Variants in MERTK observed in about 807,000 individuals in gnomAD.
The protein encoded by MERTK is tyrosine-protein kinase Mer.
A neutral mutation model predicts 99.3 loss-of-function variants in MERTK; 69 were observed. The observed-to-expected ratio is 0.70, with a 90% CI of 0.57 to 0.85. The LOEUF is 0.85. MERTK is among the 40% of genes least tolerant of loss of function. The pLI is 0.00. For missense variants in MERTK, 1,125 were observed against 1,249.4 expected, an observed-to-expected ratio of 0.90 and a Z score of 1.50; for synonymous variants, 426 against 467.6, an observed-to-expected ratio of 0.91 and a Z score of 1.15.
At chr2:111,902,803 TCC>T (rs1684069387) in intron 1 of MERTK, among the ~76,000 whole-genome samples, 2 of 45,310 alleles carry the variant, frequency 4.4e-5, no homozygotes, top group South Asian at 1.8e-3. Flanking sequence ...CCTCCCTCCC[TCC>T]CTCTATTTCT....
rs190090764 is a variant in MERTK, at chr2:111,926,246, A to G, written c.62-2874A>G. Among the ~76,000 whole-genome samples, 22 of 152,340 alleles carry G rather than the reference A, an allele frequency of 1.4e-4. No individual in the cohort carries two copies. In the East Asian group the frequency reaches 4.2e-3, roughly 29 times the overall value. On this transcript the variant is annotated intron_variant, in intron 1 of 18. Coordinates refer to ENST00000295408, the MANE Select transcript of MERTK (RefSeq NM_006343.3). Reference sequence around the variant, plus strand: ...TATTCTTAAATAAATTAAACCAATGAAGGTATAATTTGCTTCTCCCACTTC... The same window carrying G: ...TATTCTTAAATAAATTAAACCAATGGAGGTATAATTTGCTTCTCCCACTTC...
At chr2:111,925,928 G>A (rs1412760969) in intron 1 of MERTK, among the ~76,000 whole-genome samples, 2 of 151,428 alleles carry the variant, frequency 1.3e-5, no homozygotes, top group Admixed American at 6.6e-5. Flanking sequence ...CGCCTCCCGG[G>A]TTCTGCCATT....
chr2:112,015,693 T>G (rs1677203574), intron 15 of MERTK: 1 of 150,910 alleles, frequency 6.6e-6, no homozygotes, highest in Non-Finnish European at 1.5e-5. Flanking sequence ...AATTTATCAG[T>G]TTTTTTTTAA....
At chr2:111,963,215 T>C (rs1208648951) in intron 4 of MERTK, among the ~76,000 whole-genome samples, 4 of 152,246 alleles carry the variant, frequency 2.6e-5, no homozygotes, top group Non-Finnish European at 4.4e-5. Context: ...CCGCATGTCC[T>C]ACCTCCAGCC....
At chr2:111,915,789 G>A (rs1684339997) in intron 1 of MERTK, among the ~76,000 whole-genome samples, 1 of 152,132 alleles carries the variant, frequency 6.6e-6, no homozygotes, top group Non-Finnish European at 1.5e-5. Context: ...CAGCTATTTG[G>A]GGAGCTGAGG....
intron 1 of MERTK, among the ~76,000 whole-genome samples, chr2:111,922,040 C>T (rs1684469045): frequency 6.6e-6 from 1 of 152,222 alleles, no homozygotes; most frequent in Non-Finnish European, 1.5e-5. Flanking sequence ...CTATTCCTCT[C>T]TCTTCCCAGG....
At chr2:111,967,340 C>T (rs1685376630) in intron 5 of MERTK, among the ~76,000 whole-genome samples, 1 of 152,170 alleles carries the variant, frequency 6.6e-6, no homozygotes, top group South Asian at 2.1e-4. Context: ...TTAAAGAAAG[C>T]CCTCAAAGTG....
intron 1 of MERTK, among the ~76,000 whole-genome samples, chr2:111,902,699 A>G (rs191445257): frequency 5.3e-5 from 8 of 152,188 alleles, no homozygotes; most frequent in South Asian, 2.1e-4. Flanking sequence ...CTGCCAAAGT[A>G]TCATATGCAT....
intron 1 of MERTK, among the ~76,000 whole-genome samples, chr2:111,926,085 C>T (rs1388897692): frequency 1.3e-5 from 2 of 152,154 alleles, no homozygotes; most frequent in East Asian, 3.9e-4. Flanking sequence ...CCTGCCTTGG[C>T]CTCCCAAAGT....
At chr2:111,965,716 C>T (rs1438520657) in intron 5 of MERTK, among the ~76,000 whole-genome samples, 1 of 152,086 alleles carries the variant, frequency 6.6e-6, no homozygotes, top group African/African-American at 2.4e-5. Context: ...GGACCCTGTC[C>T]TTCCCAGGTC....
At chr2:111,961,192 T>G (rs1436411321) in intron 4 of MERTK, among the ~76,000 whole-genome samples, 1 of 146,386 alleles carries the variant, frequency 6.8e-6, no homozygotes, top group Non-Finnish European at 1.5e-5. Context: ...GATGGAGTCT[T>G]GCTCTGTCGC....
rs1676772355 is a variant in MERTK, at chr2:111,997,442, G to C, written c.1570G>C (p.Ala524Pro). The change falls in exon 10 of 19, where the codon GCC becomes CCC. Residue 524 changes from alanine to proline, a missense_variant. Coordinates refer to ENST00000295408, the MANE Select transcript of MERTK (RefSeq NM_006343.3). Reference sequence around the variant, plus strand: ...TGGGTTGATTTTATACATCTCCTTGGCCATCAGAAAAAGAGTCCAGGAGAC... The same window carrying C: ...TGGGTTGATTTTATACATCTCCTTGCCCATCAGAAAAAGAGTCCAGGAGAC... Reference protein sequence around the residue: ...LIGLILYISLAIRKRVQETKF... With the variant: ...LIGLILYISLPIRKRVQETKF... 1 of 1,613,846 alleles carries C rather than the reference G, an allele frequency of 6.2e-7. No homozygotes were observed. The highest frequency in any genetic ancestry group is 8.5e-7 in the Non-Finnish European group (1 of 1,179,984).
At chr2:111,954,215 G>T (rs950913033) in intron 4 of MERTK, among the ~76,000 whole-genome samples, 1 of 152,174 alleles carries the variant, frequency 6.6e-6, no homozygotes, top group Non-Finnish European at 1.5e-5. Context: ...ACCTGCAAAG[G>T]CACCTGCTTG....
At chr2:112,018,929 C>T (rs562775354) in intron 15 of MERTK, among the ~76,000 whole-genome samples, 16 of 152,246 alleles carry the variant, frequency 1.1e-4, no homozygotes, top group East Asian at 9.6e-4. Flanking sequence ...CAAAACATTT[C>T]GTAGTAAAAT....
intron 10 of MERTK, 149 bp from the exon 11 acceptor site, chr2:112,001,052 A>T: frequency 1.5e-6 from 1 of 667,382 alleles, no homozygotes; most frequent in Non-Finnish European, 2.7e-6. Context: ...AATAAATCAA[A>T]GGAAAGAAAC....
intron 8 of MERTK, among the ~76,000 whole-genome samples, chr2:111,993,135 A>G (rs1201060605): frequency 5.3e-5 from 5 of 93,796 alleles, no homozygotes; most frequent in South Asian, 6.7e-4. Context: ...TGTGTTGACT[A>G]TTGTGGTGTG....
chr2:111,954,369 G>A (rs1400305133), intron 4 of MERTK, among the ~76,000 whole-genome samples: 1 of 152,148 alleles, frequency 6.6e-6, no homozygotes, highest in Non-Finnish European at 1.5e-5. Context: ...CCCCTTGTCT[G>A]TATATTCACA....
At chr2:111,937,764 C>T (rs184102985) in intron 2 of MERTK, among the ~76,000 whole-genome samples, 6 of 152,352 alleles carry the variant, frequency 3.9e-5, no homozygotes, top group Non-Finnish European at 5.9e-5. Flanking sequence ...TTCTGACTTG[C>T]GACCTGTTCA....
intron 1 of MERTK, among the ~76,000 whole-genome samples, chr2:111,902,365 G>A (rs1323243109): frequency 6.6e-6 from 1 of 152,170 alleles, no homozygotes; most frequent in African/African-American, 2.4e-5. Context: ...TGAAACAGTC[G>A]CTTTCCATAT....
Sources: allele counts gnomAD v4.1 joint callset (sites outside exome capture counted in the v4.1 genomes callset), GRCh38; gene constraint gnomAD v4.1.1; transcripts MANE v1.5; gene names NCBI Gene and HGNC (gene_info 2026-07-23, HGNC 2026-07-21).